The following MRTFB variants were observed in gnomAD, a reference collection of about 807,000 sequenced individuals.
The protein encoded by MRTFB is myocardin-related transcription factor B.
A neutral mutation model predicts 104.2 loss-of-function variants in MRTFB; 29 were observed. The observed-to-expected ratio is 0.28, with a 90% CI of 0.21 to 0.38. MRTFB has a LOEUF of 0.38. MRTFB is among the 10% of genes least tolerant of loss of function. The pLI, the probability that MRTFB is intolerant of heterozygous loss-of-function variation, is 1.00. For missense variants in MRTFB, 1,270 were observed against 1,341.6 expected, an observed-to-expected ratio of 0.95 and a Z score of 0.83; for synonymous variants, 535 against 519.5, an observed-to-expected ratio of 1.03 and a Z score of -0.41.
At chr16:14,034,886 C>A in the MRTFB span, among the ~76,000 whole-genome samples, 4 of 152,258 alleles carry the variant, frequency 2.6e-5, no homozygotes, top group African/African-American at 9.6e-5. Context: ...GGAAGGAAGG[C>A]CCCACCACCC....
chr16:14,045,294 G>T, the MRTFB span, among the ~76,000 whole-genome samples: 2 of 152,280 alleles, frequency 1.3e-5, no homozygotes, highest in Non-Finnish European at 2.9e-5. Context: ...AAGCTGTTCT[G>T]CTTTTGACTT....
chr16:14,213,627 G>C lies in MRTFB; in HGVS notation c.352+7G>C, dbSNP rs759040954. On this transcript the variant is annotated splice_region_variant and intron_variant, in intron 6 of 16. Coordinates refer to ENST00000571589, the MANE Select transcript of MRTFB (RefSeq NM_001308142.2). Reference sequence around the variant, plus strand: ...AGGATGCACATTTTAGAAGGTAAAGGATTTATTTCTTCTTAATCTGCTGTA... The same window carrying C: ...AGGATGCACATTTTAGAAGGTAAAGCATTTATTTCTTCTTAATCTGCTGTA... The C allele has an allele frequency of 1.9e-5, 29 of 1,562,676 alleles. No individual in the cohort carries two copies. Among genetic ancestry groups the C allele is most frequent in the Admixed American group, 3.7e-5 (2 of 54,252 alleles).
At chr16:14,015,139 G>A in the MRTFB span, among the ~76,000 whole-genome samples, 5 of 152,178 alleles carry the variant, frequency 3.3e-5, no homozygotes, top group Non-Finnish European at 1.5e-5. Flanking sequence ...GGAAAGAAAT[G>A]TAAGTGTAAG....
chr16:14,093,409 G>A (rs1377580676), intron 2 of MRTFB, among the ~76,000 whole-genome samples: 1 of 152,010 alleles, frequency 6.6e-6, no homozygotes, highest in East Asian at 1.9e-4. Flanking sequence ...TTGCAGTACA[G>A]ATGTGAGCCA....
intron 1 of MRTFB, among the ~76,000 whole-genome samples, chr16:14,077,512 T>C (rs1374751519): frequency 8.6e-6 from 1 of 116,838 alleles, no homozygotes; most frequent in Non-Finnish European, 1.8e-5. Context: ...TTTCCCCTTG[T>C]TGCTTTTTTT....
At chr16:14,006,856 A>C in the MRTFB span, among the ~76,000 whole-genome samples, 223 of 152,092 alleles carry the variant, frequency 1.5e-3, no homozygotes, top group Non-Finnish European at 2.3e-3. Context: ...TCTCTACAAA[A>C]AATAAACAAA....
At chr16:14,095,619 A>T (rs2035316765) in intron 2 of MRTFB, among the ~76,000 whole-genome samples, 1 of 152,242 alleles carries the variant, frequency 6.6e-6, no homozygotes, top group African/African-American at 2.4e-5. Context: ...TACATCAGGC[A>T]TCATTTCACC....
intron 15 of MRTFB, among the ~76,000 whole-genome samples, chr16:14,257,227 G>A (rs922345887): frequency 6.6e-6 from 1 of 152,162 alleles, no homozygotes; most frequent in Non-Finnish European, 1.5e-5. Context: ...CCTGTGATCC[G>A]GTCATTCCAC....
At chr16:14,023,606 C>CATACATATACATATACATAT in the MRTFB span, among the ~76,000 whole-genome samples, 26 of 39,590 alleles carry the variant, frequency 6.6e-4, no homozygotes, top group African/African-American at 2.5e-3. Flanking sequence ...CACACACACA[C>CATACATATACATATACATAT]ACACATACAT....
At chr16:14,251,556 G>A (rs1010213847) in intron 13 of MRTFB, among the ~76,000 whole-genome samples, 6 of 152,278 alleles carry the variant, frequency 3.9e-5, no homozygotes, top group Middle Eastern at 3.4e-3. Flanking sequence ...ACATATGCTC[G>A]AAAATAGGGG....
chr16:14,256,940 A>C (rs1249247079), intron 15 of MRTFB, among the ~76,000 whole-genome samples: 2 of 152,256 alleles, frequency 1.3e-5, no homozygotes, highest in Non-Finnish European at 2.9e-5. Flanking sequence ...ATTTGAACAG[A>C]TATTTTCCCA....
At chr16:14,029,419 A>AAAAAT in the MRTFB span, among the ~76,000 whole-genome samples, 2 of 88,898 alleles carry the variant, frequency 2.2e-5, no homozygotes, top group East Asian at 3.0e-4. Context: ...AAAAAAAAAA[A>AAAAAT]ATATATATAT....
the MRTFB span, among the ~76,000 whole-genome samples, chr16:14,019,756 C>A: frequency 1.3e-5 from 2 of 152,206 alleles, no homozygotes; most frequent in South Asian, 4.1e-4. Flanking sequence ...GAAGTGACTG[C>A]GAACAGCGTT....
chr16:14,246,713 T>G lies in MRTFB; in HGVS notation c.1453T>G (p.Leu485Val). ...CTCAGTCTCTACTCTCAAGGCAGAA[T>G]TGCCACCTACAGGAACCAGCAACGC... ...TSSVSTLKAE[L>V]PPTGTSNATR... Residue 485 changes from leucine (L) to valine (V), a missense_variant, in exon 12 of 17, where the codon TTG (leucine) becomes GTG (valine). Physicochemically the swap from Leu to Val is conservative, Grantham distance 32. Coordinates refer to ENST00000571589, the MANE Select transcript of MRTFB (RefSeq NM_001308142.2). The G allele has an allele frequency of 6.2e-7, 1 of 1,614,164 alleles. No individual in the cohort carries two copies. The highest frequency in any genetic ancestry group is 1.1e-5 in the South Asian group (1 of 91,080).
intron 3 of MRTFB, among the ~76,000 whole-genome samples, chr16:14,148,290 T>C (rs2038425513): frequency 6.6e-6 from 1 of 152,152 alleles, no homozygotes. Context: ...TGGGGCTCCG[T>C]TTACTTATGT....
intron 2 of MRTFB, among the ~76,000 whole-genome samples, chr16:14,087,260 C>T (rs188363878): frequency 6.4e-4 from 98 of 152,234 alleles, no homozygotes; most frequent in South Asian, 1.2e-3. Context: ...AGCTTTGGGC[C>T]ATAAGTTCCA....
At chr16:14,245,502 ACT>A (rs761554148) in intron 10 of MRTFB, 24 bp from the exon 11 acceptor site, 219 of 1,586,436 alleles carry the variant, frequency 1.4e-4, no homozygotes, top group Non-Finnish European at 1.7e-4. Context: ...TTTATTATAA[ACT>A]CTAATTTTTG....
chr16:14,153,053 TAACC>T (rs1345902813), intron 3 of MRTFB: 3 of 152,080 alleles, frequency 2.0e-5, no homozygotes, highest in African/African-American at 7.2e-5. Context: ...CATATTCTAA[TAACC>T]TGTCATAAAC....
chr16:14,011,235 C>T, the MRTFB span, among the ~76,000 whole-genome samples: 1 of 152,250 alleles, frequency 6.6e-6, no homozygotes, highest in Admixed American at 6.5e-5. Context: ...TCAGCTGTTT[C>T]TTCCAGATGT....
Sources: gnomAD v4.1 joint callset for allele counts (sites outside exome capture counted in the v4.1 genomes callset) on GRCh38, gnomAD v4.1.1 for gene constraint, MANE v1.5 for transcripts, NCBI Gene and HGNC (gene_info 2026-07-23, HGNC 2026-07-21) for gene names.